The following IL7 variants were observed in gnomAD, a reference collection of about 807,000 sequenced individuals.
The protein encoded by IL7 is interleukin-7.
A neutral mutation model predicts 21.6 loss-of-function variants in IL7; 3 were observed. That is an observed-to-expected ratio of 0.14 (90% confidence interval 0.06 to 0.36). The LOEUF is 0.36. Among genes scored for constraint, IL7 ranks in the 10% least tolerant of loss-of-function variants. The probability of loss-of-function intolerance (pLI) is 1.00; values close to 1 mark genes in which losing one functional copy is unlikely to be tolerated. For synonymous variants in IL7, 62 were observed against 68.1 expected (o/e 0.91, Z 0.44); for missense variants, 175 against 200.2 (o/e 0.87, Z 0.76).
At chr8:78,766,744 C>G (rs1298046964) in intron 2 of IL7, among the ~76,000 whole-genome samples, 2 of 152,152 alleles carry the variant, frequency 1.3e-5, no homozygotes, top group African/African-American at 4.8e-5. Flanking sequence ...CTCCTACCAA[C>G]AATTCTGTAA....
chr8:78,689,122 T>C (rs1157919924), intron 3 of IL7: 3 of 851,394 alleles, frequency 3.5e-6, no homozygotes, highest in Non-Finnish European at 3.2e-6. Context: ...TCAGATGTTA[T>C]TACTTATATT....
chr8:78,791,231 C>T (rs1384725026), intron 2 of IL7, among the ~76,000 whole-genome samples: 1 of 151,946 alleles, frequency 6.6e-6, no homozygotes, highest in Non-Finnish European at 1.5e-5. Flanking sequence ...CAAATTGAAC[C>T]ATCTGAAATT....
At chr8:78,697,756 G>T (rs988565975) in intron 3 of IL7, among the ~76,000 whole-genome samples, 1 of 149,358 alleles carries the variant, frequency 6.7e-6, no homozygotes, top group Non-Finnish European at 1.5e-5. Context: ...TCAGCTCACT[G>T]CAACCTTCGC....
At chr8:78,715,333 G>C (rs1398734926), downstream of IL7, 4 of 1,604,072 alleles carry the variant, frequency 2.5e-6, no homozygotes, top group East Asian at 4.5e-5. Context: ...AGCCAGGTAT[G>C]TTTAGCTCTG....
chr8:78,721,892 A>G (rs1382441144), intron 3 of IL7, among the ~76,000 whole-genome samples: 1 of 152,008 alleles, frequency 6.6e-6, no homozygotes, highest in Non-Finnish European at 1.5e-5. Flanking sequence ...ATAGTACTAT[A>G]TAGTGATAAA....
intron 2 of IL7, among the ~76,000 whole-genome samples, chr8:78,752,636 A>G (rs930886912): frequency 6.6e-6 from 1 of 152,048 alleles, no homozygotes; most frequent in Non-Finnish European, 1.5e-5. Flanking sequence ...GTTCTGGGAT[A>G]CAGAACGTGC....
At chr8:78,678,706 T>C (rs1254786318) in intron 4 of IL7, 2 of 1,503,758 alleles carry the variant, frequency 1.3e-6, no homozygotes, top group East Asian at 4.6e-5. Context: ...TTGAACAGTA[T>C]GAACTTTGGT....
chr8:78,726,675 T>C (rs572326689), intron 3 of IL7, among the ~76,000 whole-genome samples: 3 of 152,134 alleles, frequency 2.0e-5, no homozygotes, highest in South Asian at 4.1e-4. Context: ...TGGTATAATG[T>C]AGAGTTGAAG....
At position 78,742,604 on chromosome 8, in the gene IL7, A is replaced by G. The variant is rs192303904; in HGVS notation, c.148-2522T>C. Among the ~76,000 whole-genome samples, 503 of 152,278 alleles carry G rather than the reference A, an allele frequency of 3.3e-3. 14 individuals are homozygous for G. The highest frequency in any genetic ancestry group is 4.7e-4 in the Non-Finnish European group (32 of 68,020). Reference sequence around the variant, plus strand: ...TACAGTATACACTTAATTACATACAAATTCATTACAGCCCTCTGAATTTGA... The same window carrying G: ...TACAGTATACACTTAATTACATACAGATTCATTACAGCCCTCTGAATTTGA... On this transcript the variant is annotated intron_variant, in intron 2 of 5. Transcript: ENST00000263851.
chr8:78,797,994 G>A, intron 2 of IL7, 78 bp downstream of exon 2: 1 of 1,111,214 alleles, frequency 9.0e-7, no homozygotes. Flanking sequence ...ATGAATACTT[G>A]ATTATAAAAC....
chr8:78,697,557 G>C (rs1295025391), intron 3 of IL7: 4 of 1,410,662 alleles, frequency 2.8e-6, no homozygotes, highest in Admixed American at 1.9e-5. Context: ...CATGTTGGCA[G>C]AGCAGGAAAT....
At chr8:78,737,031 G>A (rs11774354) in intron 4 of IL7, among the ~76,000 whole-genome samples, 7,925 of 151,984 alleles carry the variant, frequency 0.052, 296 homozygotes, top group Middle Eastern at 0.088. Context: ...TCAAGAAAAA[G>A]GTGACTTGTA....
chr8:78,685,265 A>T (rs950807739), intron 4 of IL7, among the ~76,000 whole-genome samples: 1 of 152,184 alleles, frequency 6.6e-6, no homozygotes, highest in African/African-American at 2.4e-5. Flanking sequence ...ATGTTAAAAA[A>T]ATAAGCGAAA....
intron 1 of IL7, among the ~76,000 whole-genome samples, chr8:78,802,034 C>T (rs112744557): frequency 2.0e-5 from 3 of 152,326 alleles, no homozygotes; most frequent in East Asian, 1.9e-4. Context: ...GCAAGGCAAG[C>T]GTGGCTTGTG....
chr8:78,717,353 C>T (rs751109108), downstream of IL7: 2 of 1,609,746 alleles, frequency 1.2e-6, no homozygotes, highest in South Asian at 1.1e-5. Flanking sequence ...TGCATCTTCC[C>T]TTAATGGTGG....
intron 3 of IL7, among the ~76,000 whole-genome samples, chr8:78,706,337 G>T (rs1012030521): frequency 2.6e-5 from 4 of 152,140 alleles, no homozygotes. Context: ...TGCTTTGCTG[G>T]AGTTGCAGTT....
intron 2 of IL7, among the ~76,000 whole-genome samples, chr8:78,752,431 C>T (rs954817097): frequency 6.6e-6 from 1 of 152,174 alleles, no homozygotes; most frequent in African/African-American, 2.4e-5. Flanking sequence ...TCCTCATCAA[C>T]ACTTATCTTT....
intron 5 of IL7, among the ~76,000 whole-genome samples, chr8:78,736,134 T>G (rs1316535107): frequency 6.6e-6 from 1 of 151,704 alleles, no homozygotes; most frequent in Non-Finnish European, 1.5e-5. Flanking sequence ...TGGCTTTTTT[T>G]CTTCATGTAT....
chr8:78,712,119 A>T (rs1484664164), intron 3 of IL7: 2 of 1,264,582 alleles, frequency 1.6e-6, no homozygotes, highest in Non-Finnish European at 2.1e-6. Flanking sequence ...AAGTATTTGT[A>T]ACTCAGTTTG....
Sources: gnomAD v4.1 joint callset for allele counts (sites outside exome capture counted in the v4.1 genomes callset) on GRCh38, gnomAD v4.1.1 for gene constraint, MANE v1.5 for transcripts, NCBI Gene and HGNC (gene_info 2026-07-23, HGNC 2026-07-21) for gene names.